The following PIGL variants were observed in gnomAD, a reference collection of about 807,000 sequenced individuals.
PIGL encodes the protein N-acetylglucosaminyl-phosphatidylinositol de-N-acetylase.
A neutral mutation model predicts 31.1 loss-of-function variants in PIGL; 22 were observed. The observed-to-expected ratio is 0.71, with a 90% CI of 0.51 to 1.01. PIGL has a LOEUF of 1.01. Ranked by LOEUF, PIGL falls within the 50% of genes least tolerant of loss-of-function variation. The pLI is 0.00. For missense variants in PIGL, 302 were observed against 315.9 expected (o/e 0.96, Z 0.33); for synonymous variants, 131 against 117.4 (o/e 1.12, Z -0.75).
intron 2 of PIGL, among the ~76,000 whole-genome samples, chr17:16,270,206 T>C (rs2092864778): frequency 6.6e-6 from 1 of 151,762 alleles, no homozygotes; most frequent in South Asian, 2.1e-4. Context: ...GGAGAATTGC[T>C]TGAACCCAGG....
intron 6 of PIGL, among the ~76,000 whole-genome samples, chr17:16,321,828 A>C (rs1363319367): frequency 6.7e-6 from 1 of 150,144 alleles, no homozygotes; most frequent in Non-Finnish European, 1.5e-5. Flanking sequence ...CTTATTGCCC[A>C]GGCTGGAGTA....
intron 2 of PIGL, among the ~76,000 whole-genome samples, chr17:16,273,327 C>G (rs1417576482): frequency 6.6e-6 from 1 of 152,206 alleles, no homozygotes; most frequent in East Asian, 1.9e-4. Flanking sequence ...CTGGAGTCCA[C>G]ATGCCTGAGG....
chr17:16,255,005 A>G lies in PIGL; in HGVS notation c.335+20935A>G, dbSNP rs182157019. On this transcript the variant is annotated intron_variant, in intron 2 of 6. Coordinates refer to ENST00000225609, the MANE Select transcript of PIGL (RefSeq NM_004278.4). ...TTAGTAAAGGAATGATTCCATTTGC[A>G]CCATAAACTCTCTTCCTGTGACCAG... 2.0e-3 allele frequency among the ~76,000 whole-genome samples: 307 copies of G among 152,354 alleles called. 2 individuals are homozygous for G. Among genetic ancestry groups the G allele is most frequent in the Middle Eastern group, 6.8e-3 (2 of 294 alleles).
intron 1 of PIGL, among the ~76,000 whole-genome samples, chr17:16,219,360 A>G (rs1056158817): frequency 6.6e-6 from 1 of 151,378 alleles, no homozygotes; most frequent in East Asian, 2.0e-4. Context: ...ACACCTGGCC[A>G]TTTTTTATAA....
rs76637917 is a variant in PIGL, at chr17:16,255,044, G to A, written c.335+20974G>A. Reference sequence around the variant, plus strand: ...TCCTGTGACCAGCATATGAATGTGTGTGTGGTCTCTAAGAACTCGAATGAT... The same window carrying A: ...TCCTGTGACCAGCATATGAATGTGTATGTGGTCTCTAAGAACTCGAATGAT... On this transcript the variant is annotated intron_variant, in intron 2 of 6. Transcript: ENST00000225609. 9.7e-3 allele frequency among the ~76,000 whole-genome samples: 1,475 copies of A among 152,306 alleles called. 7 individuals carry two copies. The highest frequency in any genetic ancestry group is 0.015 in the Non-Finnish European group (1,009 of 68,022).
chr17:16,250,958 A>T (rs1005138629), intron 2 of PIGL, among the ~76,000 whole-genome samples: 7 of 152,192 alleles, frequency 4.6e-5, no homozygotes, highest in African/African-American at 1.7e-4. Context: ...ACTGCACAAG[A>T]TAGGTTTTAT....
intron 2 of PIGL, among the ~76,000 whole-genome samples, chr17:16,290,126 C>T (rs1198695655): frequency 2.0e-5 from 3 of 149,278 alleles, no homozygotes; most frequent in Non-Finnish European, 4.4e-5. Context: ...CGGAGACTTG[C>T]TCTGTTGCCC....
intron 2 of PIGL, among the ~76,000 whole-genome samples, chr17:16,287,018 G>A (rs1169270163): frequency 6.6e-6 from 1 of 152,198 alleles, no homozygotes; most frequent in Non-Finnish European, 1.5e-5. Context: ...CCTCTGTTTG[G>A]CACATAGTGT....
chr17:16,282,007 C>A, intron 2 of PIGL: 1 of 512,572 alleles, frequency 2.0e-6, no homozygotes, highest in Middle Eastern at 3.3e-4. Flanking sequence ...CATGGGGGCA[C>A]TGCTAAGAGG....
intron 3 of PIGL, among the ~76,000 whole-genome samples, chr17:16,306,539 T>C (rs1471458813): frequency 1.3e-5 from 2 of 150,384 alleles, no homozygotes; most frequent in Admixed American, 6.7e-5. Flanking sequence ...TTTTTTTTTT[T>C]TTTCTTGAGA....
At chr17:16,293,091 T>G (rs191861960) in intron 2 of PIGL, among the ~76,000 whole-genome samples, 6 of 151,772 alleles carry the variant, frequency 4.0e-5, no homozygotes, top group Admixed American at 1.3e-4. Context: ...CTAAAAGGAG[T>G]TTTTTCTACA....
In PIGL at chr17:16,316,986, C is replaced by G. The variant is rs540506510; in HGVS notation, c.526+274C>G. The stretch of plus-strand genomic sequence containing the variant: ...TTCACAGGGTGGATGTTTTACACCT[C>G]TGGTATTCTTCCAGTCTGAACTCAA... On this transcript the variant is annotated intron_variant, in intron 5 of 6. Transcript: ENST00000225609. The G allele has an allele frequency of 4.0e-6, 5 of 1,236,654 alleles. No homozygotes were observed. The Admixed American group carries it at 1.7e-4, about 42-fold the overall frequency. The allele number at this position is 1,236,654 out of a possible 1,614,324, so 76.6% of individuals were successfully genotyped here.
intron 3 of PIGL, among the ~76,000 whole-genome samples, chr17:16,300,550 A>G (rs1170988834): frequency 6.6e-6 from 1 of 152,032 alleles, no homozygotes; most frequent in Non-Finnish European, 1.5e-5. Flanking sequence ...GCGTGGTGGC[A>G]TGTGCCTGTA....
chr17:16,276,124 T>G (rs1011241709), intron 2 of PIGL, among the ~76,000 whole-genome samples: 1 of 152,138 alleles, frequency 6.6e-6, no homozygotes. Context: ...AAGAAAACAT[T>G]CAGTAAGCTT....
intron 2 of PIGL, among the ~76,000 whole-genome samples, chr17:16,274,890 A>C (rs1250076047): frequency 6.7e-6 from 1 of 148,364 alleles, no homozygotes. Flanking sequence ...AAATTAGCCG[A>C]GTGTGGTGGC....
At chr17:16,233,019 C>T (rs2092685339) in intron 1 of PIGL, among the ~76,000 whole-genome samples, 1 of 151,486 alleles carries the variant, frequency 6.6e-6, no homozygotes, top group African/African-American at 2.4e-5. Context: ...TGAGCTGAGG[C>T]AGGAGAATCG....
intron 6 of PIGL, among the ~76,000 whole-genome samples, chr17:16,325,189 C>CA (rs2093121905): frequency 1.3e-5 from 2 of 151,888 alleles, no homozygotes; most frequent in Non-Finnish European, 2.9e-5. Flanking sequence ...ACTAAATATA[C>CA]AAAAAATTAG....
intron 2 of PIGL, among the ~76,000 whole-genome samples, chr17:16,285,411 C>A (rs1439532711): frequency 6.6e-6 from 1 of 151,398 alleles, no homozygotes; most frequent in Non-Finnish European, 1.5e-5. Context: ...ATGGTGAAAC[C>A]CCATTTCTAC....
At chr17:16,315,708 C>CTTTCT (rs1491140431) in intron 4 of PIGL, among the ~76,000 whole-genome samples, 27 of 59,010 alleles carry the variant, frequency 4.6e-4, no homozygotes, top group East Asian at 2.4e-3. Flanking sequence ...TTCTTTCTTT[C>CTTTCT]TTTTTTTTTT....
Sources: allele counts gnomAD v4.1 joint callset (sites outside exome capture counted in the v4.1 genomes callset), GRCh38; gene constraint gnomAD v4.1.1; transcripts MANE v1.5; gene names NCBI Gene and HGNC (gene_info 2026-07-23, HGNC 2026-07-21).